Variants in OR5AC2 observed in about 807,000 individuals in gnomAD.
OR5AC2 encodes the protein olfactory receptor family 5 subfamily AC member 2, also known as olfactory receptor 5AC2.
For missense variants in OR5AC2, 448 were observed against 375.3 expected (o/e 1.19, Z -1.60); for synonymous variants, 172 against 136.3 (o/e 1.26, Z -1.82).
chr3:98,087,334 C>G lies in OR5AC2; in HGVS notation c.162C>G (p.Asp54Glu), dbSNP rs765853079. The change falls in exon 1 of 1, where the codon GAC becomes GAG. Residue 54 changes from aspartate to glutamate, a missense_variant. Transcript: ENST00000358642. ...GACTGATAGTTCTAATTTGGAACGA[C>G]CCCCATCTTCATATGCCCATGTACT... ...NLGLIVLIWN[D>E]PHLHMPMYLF... The G allele has an allele frequency of 1.2e-6, 2 of 1,614,012 alleles. No homozygotes were observed. Among genetic ancestry groups the G allele is most frequent in the Admixed American group, 1.7e-5 (1 of 60,000 alleles).
Position 98,087,391 on chromosome 3 carries a change from T to C in OR5AC2, c.219T>C (p.Ala73=), listed in dbSNP as rs1469852351. 5 of 1,614,058 alleles carry C rather than the reference T, an allele frequency of 3.1e-6. No individual in the cohort carries two copies. The highest frequency in any genetic ancestry group is 4.2e-6 in the Non-Finnish European group (5 of 1,180,012). Residue 73 remains alanine (A), a synonymous_variant, in exon 1 of 1, where the codon GCT becomes GCC. Transcript: ENST00000358642. The part of the protein sequence containing the change: ...LFLGGLAFSD[A]CTSTSITPRM... ...TTGGTGGTTTAGCCTTTTCAGATGC[T>C]TGTACTTCAACCTCTATAACCCCTA...
chr3:98,087,471 T>C lies in OR5AC2; in HGVS notation c.299T>C (p.Ile100Thr). The C allele has an allele frequency of 6.2e-7, 1 of 1,614,180 alleles. No individual in the cohort carries two copies. Among genetic ancestry groups the C allele is most frequent in the Non-Finnish European group, 8.5e-7 (1 of 1,180,018 alleles). Residue 100 changes from isoleucine (I) to threonine (T), a missense_variant, in exon 1 of 1, where the codon ATC becomes ACC. Ile to Thr is a moderately conservative substitution (Grantham distance 89). Coordinates refer to ENST00000358642, the MANE Select transcript of OR5AC2 (RefSeq NM_054106.1). ...KTAMISLAEC[I>T]TQFYFFASSA... is the part of the protein sequence containing the mutation. ...GCAATGATATCCCTAGCTGAGTGCA[T>C]CACCCAGTTTTACTTTTTTGCTTCC...
In OR5AC2 at chr3:98,088,068, T is replaced by A; in HGVS notation, c.896T>A (p.Val299Asp). Residue 299 changes from valine to aspartate, a missense_variant, in exon 1 of 1, where the codon GTC becomes GAC. Val to Asp is a radical substitution (Grantham distance 152, BLOSUM62 -3). Coordinates refer to ENST00000358642, the MANE Select transcript of OR5AC2 (RefSeq NM_054106.1). ...PFIYSLRNKK[V>D]MHALRRVIRK is the part of the protein sequence containing the mutation. ...ATTTACAGCTTGAGAAATAAAAAAG[T>A]CATGCATGCATTGAGAAGAGTTATA... 1 of 1,609,878 alleles carries A rather than the reference T, an allele frequency of 6.2e-7. No individual in the cohort carries two copies. Among genetic ancestry groups the A allele is most frequent in the African/African-American group, 1.3e-5 (1 of 74,924 alleles).
In OR5AC2 at chr3:98,087,817, T is replaced by C; in HGVS notation, c.645T>C (p.Thr215=). 6.2e-7 allele frequency: 1 copy of C among 1,608,674 alleles called. No individual in the cohort carries two copies. ...GAFIQIPTLM[T]IIISYTRVLF... ...TTATACAAATACCCACTTTAATGACTATCATAATCTCTTATACTCGTGTGC... is the reference window on the plus strand; with the variant it reads ...TTATACAAATACCCACTTTAATGACCATCATAATCTCTTATACTCGTGTGC... The change falls in exon 1 of 1, where the codon ACT becomes ACC. Residue 215 remains threonine, a synonymous_variant. Coordinates refer to ENST00000358642, the MANE Select transcript of OR5AC2 (RefSeq NM_054106.1).
In OR5AC2 at chr3:98,087,328, G is replaced by T; in HGVS notation, c.156G>T (p.Trp52Cys). ...ACCTTGGACTGATAGTTCTAATTTG[G>T]AACGACCCCCATCTTCATATGCCCA... Reference protein sequence around the residue: ...VGNLGLIVLIWNDPHLHMPMY... With the variant: ...VGNLGLIVLICNDPHLHMPMY... The change falls in exon 1 of 1, where the codon TGG becomes TGT. Residue 52 changes from tryptophan to cysteine, a missense_variant. By Grantham distance (215) the Trp-to-Cys change is radical. Coordinates refer to ENST00000358642, the MANE Select transcript of OR5AC2 (RefSeq NM_054106.1). 6.2e-7 allele frequency: 1 copy of T among 1,614,100 alleles called. No individual in the cohort carries two copies. Among genetic ancestry groups the T allele is most frequent in the South Asian group, 1.1e-5 (1 of 91,066 alleles).
Position 98,087,985 on chromosome 3 carries a change from C to A in OR5AC2, c.813C>A (p.Asp271Glu), listed in dbSNP as rs1707785325. ...YVRPASGLAEDQDKVYSLFYT... is the reference protein window; with the variant it reads ...YVRPASGLAEEQDKVYSLFYT... ...GTCCTGCATCTGGCTTAGCTGAAGA[C>A]CAAGACAAAGTGTATTCTCTGTTTT... Residue 271 changes from aspartate to glutamate, a missense_variant, in exon 1 of 1, where the codon GAC (aspartate) becomes GAA (glutamate). Transcript: ENST00000358642. 1 of 1,613,954 alleles carries A rather than the reference C, an allele frequency of 6.2e-7. No individual in the cohort carries two copies. The highest frequency in any genetic ancestry group is 1.1e-5 in the South Asian group (1 of 91,072).
chr3:98,088,076 G>A lies in OR5AC2; in HGVS notation c.904G>A (p.Ala302Thr). ...YSLRNKKVMH[A>T]LRRVIRK ...CTTGAGAAATAAAAAAGTCATGCAT[G>A]CATTGAGAAGAGTTATAAGGAAGTA... Residue 302 changes from alanine to threonine, a missense_variant, in exon 1 of 1, where the codon GCA becomes ACA. Ala to Thr is a moderately conservative substitution (Grantham distance 58). Coordinates refer to ENST00000358642, the MANE Select transcript of OR5AC2 (RefSeq NM_054106.1). 6.2e-7 allele frequency: 1 copy of A among 1,605,676 alleles called. No homozygotes were observed. The highest frequency in any genetic ancestry group is 8.5e-7 in the Non-Finnish European group (1 of 1,174,216).
chr3:98,087,365 C>T lies in OR5AC2; in HGVS notation c.193C>T (p.Leu65Phe), dbSNP rs965152981. 1.9e-6 allele frequency: 3 copies of T among 1,614,002 alleles called. No homozygotes were observed. The highest frequency in any genetic ancestry group is 1.6e-4 in the Middle Eastern group (1 of 6,084). The change falls in exon 1 of 1, where the codon CTT (leucine) becomes TTT (phenylalanine). Residue 65 changes from leucine (L) to phenylalanine (F), a missense_variant. By Grantham distance (22) the Leu-to-Phe change is conservative. Coordinates refer to ENST00000358642, the MANE Select transcript of OR5AC2 (RefSeq NM_054106.1). The stretch of plus-strand genomic sequence containing the variant: ...TCTTCATATGCCCATGTACTTATTC[C>T]TTGGTGGTTTAGCCTTTTCAGATGC... ...PHLHMPMYLF[L>F]GGLAFSDACT...
chr3:98,087,704 T>G lies in OR5AC2; in HGVS notation c.532T>G (p.Tyr178Asp). Residue 178 changes from tyrosine to aspartate, a missense_variant, in exon 1 of 1, where the codon TAT (tyrosine) becomes GAT (aspartate). Physicochemically the swap from Tyr to Asp is radical, Grantham distance 160. Transcript: ENST00000358642. ...TTTCTGCAGGTTTAACATAATACAT[T>G]ATTTCTACTGTGAAATTTTACAACT... The part of the protein sequence containing the change: ...LTFCRFNIIH[Y>D]FYCEILQLFK... The G allele has an allele frequency of 6.2e-7, 1 of 1,612,764 alleles. No individual in the cohort carries two copies. Among genetic ancestry groups the G allele is most frequent in the South Asian group, 1.1e-5 (1 of 91,068 alleles).
In OR5AC2 at chr3:98,087,987, A is replaced by G. The variant is rs750933762; in HGVS notation, c.815A>G (p.Gln272Arg). Residue 272 changes from glutamine to arginine, a missense_variant, in exon 1 of 1, where the codon CAA (glutamine) becomes CGA (arginine). Physicochemically the swap from Gln to Arg is conservative, Grantham distance 43 (BLOSUM62 1). Coordinates refer to ENST00000358642, the MANE Select transcript of OR5AC2 (RefSeq NM_054106.1). ...CCTGCATCTGGCTTAGCTGAAGACC[A>G]AGACAAAGTGTATTCTCTGTTTTAC... ...VRPASGLAED[Q>R]DKVYSLFYTI... The G allele has an allele frequency of 1.9e-6, 3 of 1,614,142 alleles. No homozygotes were observed. Among genetic ancestry groups the G allele is most frequent in the Non-Finnish European group, 2.5e-6 (3 of 1,179,962 alleles).
chr3:98,087,674 C>T lies in OR5AC2; in HGVS notation c.502C>T (p.Leu168=), dbSNP rs1255196167. The part of the protein sequence containing the change: ...PLVHVSLLLR[L]TFCRFNIIHY... ...GGTTCATGTGAGTTTACTATTGCGA[C>T]TAACTTTCTGCAGGTTTAACATAAT... Residue 168 remains leucine, a synonymous_variant, in exon 1 of 1, where the codon CTA becomes TTA. Transcript: ENST00000358642. 14 of 1,612,976 alleles carry T rather than the reference C, an allele frequency of 8.7e-6. No homozygotes were observed. The highest frequency in any genetic ancestry group is 8.5e-6 in the Non-Finnish European group (10 of 1,179,968).
chr3:98,087,969 C>G lies in OR5AC2; in HGVS notation c.797C>G (p.Ser266Cys). ...TLIFMYVRPA[S>C]GLAEDQDKVY... ...ATCTTCATGTATGTGCGTCCTGCAT[C>G]TGGCTTAGCTGAAGACCAAGACAAA... Residue 266 changes from serine to cysteine, a missense_variant, in exon 1 of 1, where the codon TCT (serine) becomes TGT (cysteine). Coordinates refer to ENST00000358642, the MANE Select transcript of OR5AC2 (RefSeq NM_054106.1). The G allele has an allele frequency of 6.2e-7, 1 of 1,614,126 alleles. No homozygotes were observed. Among genetic ancestry groups the G allele is most frequent in the Non-Finnish European group, 8.5e-7 (1 of 1,180,018 alleles).
chr3:98,087,949 C>T lies in OR5AC2; in HGVS notation c.777C>T (p.Phe259=), dbSNP rs776600591. ...SVSLYYGTLI[F]MYVRPASGLA... ...CATTGTACTACGGAACTCTGATCTT[C>T]ATGTATGTGCGTCCTGCATCTGGCT... Residue 259 remains phenylalanine (F), a synonymous_variant, in exon 1 of 1, where the codon TTC becomes TTT. Transcript: ENST00000358642. The T allele has an allele frequency of 5.0e-6, 8 of 1,614,162 alleles. No homozygotes were observed. Among genetic ancestry groups the T allele is most frequent in the African/African-American group, 1.3e-5 (1 of 75,042 alleles).
Position 98,088,087 on chromosome 3 carries a change from A to G in OR5AC2, c.915A>G (p.Arg305=). ...RNKKVMHALR[R]VIRK Reference sequence around the variant, plus strand: ...AAAAAGTCATGCATGCATTGAGAAGAGTTATAAGGAAGTAAACAGTTCCAA... The same window carrying G: ...AAAAAGTCATGCATGCATTGAGAAGGGTTATAAGGAAGTAAACAGTTCCAA... The change falls in exon 1 of 1, where the codon AGA becomes AGG. Residue 305 remains arginine (R), a synonymous_variant. Coordinates refer to ENST00000358642, the MANE Select transcript of OR5AC2 (RefSeq NM_054106.1). 1 of 1,594,512 alleles carries G rather than the reference A, an allele frequency of 6.3e-7. No individual in the cohort carries two copies. The highest frequency in any genetic ancestry group is 8.6e-7 in the Non-Finnish European group (1 of 1,167,562).
At position 98,087,924 on chromosome 3, in the gene OR5AC2, C is replaced by A. The variant is rs1197010088; in HGVS notation, c.752C>A (p.Ser251Ter). The A allele has an allele frequency of 6.2e-7, 1 of 1,613,970 alleles. No individual in the cohort carries two copies. Among genetic ancestry groups the A allele is most frequent in the Non-Finnish European group, 8.5e-7 (1 of 1,179,978 alleles). The change falls in exon 1 of 1, where the codon TCA (serine) becomes TAA (stop). Residue 251 changes from serine to a stop codon, truncating the protein, a stop_gained. Transcript: ENST00000358642. LOFTEE classifies it low-confidence loss of function (END_TRUNC). ...STCGAHLLSV[S>*]LYYGTLIFMY... ...TGCGGCGCCCATCTGCTTTCTGTCT[C>A]ATTGTACTACGGAACTCTGATCTTC... is the stretch of plus-strand genomic sequence containing the variant.
chr3:98,087,221 A>C lies in OR5AC2; in HGVS notation c.49A>C (p.Thr17Pro). The C allele has an allele frequency of 6.2e-7, 1 of 1,613,788 alleles. No homozygotes were observed. The highest frequency in any genetic ancestry group is 1.3e-5 in the African/African-American group (1 of 75,028). ...NKTLVTEFVL[T>P]GLTDRPWLHV... The stretch of plus-strand genomic sequence containing the variant: ...GACTCTTGTGACAGAGTTTGTTCTC[A>C]CAGGACTTACAGATCGACCATGGCT... Residue 17 changes from threonine (T) to proline (P), a missense_variant, in exon 1 of 1, where the codon ACA becomes CCA. Transcript: ENST00000358642.
At position 98,087,332 on chromosome 3, in the gene OR5AC2, G is replaced by T; in HGVS notation, c.160G>T (p.Asp54Tyr). The T allele has an allele frequency of 6.2e-7, 1 of 1,614,136 alleles. No individual in the cohort carries two copies. Among genetic ancestry groups the T allele is most frequent in the Non-Finnish European group, 8.5e-7 (1 of 1,180,010 alleles). Reference sequence around the variant, plus strand: ...TGGACTGATAGTTCTAATTTGGAACGACCCCCATCTTCATATGCCCATGTA... The same window carrying T: ...TGGACTGATAGTTCTAATTTGGAACTACCCCCATCTTCATATGCCCATGTA... ...NLGLIVLIWNDPHLHMPMYLF... is the reference protein window; with the variant it reads ...NLGLIVLIWNYPHLHMPMYLF... Residue 54 changes from aspartate to tyrosine, a missense_variant, in exon 1 of 1, where the codon GAC (aspartate) becomes TAC (tyrosine). Transcript: ENST00000358642.
In OR5AC2 at chr3:98,087,417, G is replaced by C. The variant is rs772974279; in HGVS notation, c.245G>C (p.Arg82Thr). The C allele has an allele frequency of 1.9e-6, 3 of 1,613,942 alleles. No homozygotes were observed. The African/African-American group carries it at 4.0e-5, about 22-fold the overall frequency. Residue 82 changes from arginine to threonine, a missense_variant, in exon 1 of 1, where the codon AGG becomes ACG. Physicochemically the swap from Arg to Thr is moderately conservative, Grantham distance 71. Transcript: ENST00000358642. ...TGTACTTCAACCTCTATAACCCCTA[G>C]GATGCTGGTCAATTTCTTAGACAAG... ...DACTSTSITP[R>T]MLVNFLDKTA...
Position 98,087,722 on chromosome 3 carries a change from T to C in OR5AC2, c.550T>C (p.Leu184=), listed in dbSNP as rs776971042. The C allele has an allele frequency of 1.2e-6, 2 of 1,612,726 alleles. No homozygotes were observed. The highest frequency in any genetic ancestry group is 3.3e-5 in the Admixed American group (2 of 60,018). The change falls in exon 1 of 1, where the codon TTA becomes CTA. Residue 184 remains leucine (L), a synonymous_variant. Transcript: ENST00000358642. The part of the protein sequence containing the change: ...NIIHYFYCEI[L]QLFKISCNGP... ...AATACATTATTTCTACTGTGAAATT[T>C]TACAACTGTTCAAAATTTCATGCAA...
Sources: allele counts gnomAD v4.1 joint callset, GRCh38; gene constraint gnomAD v4.1.1; transcripts MANE v1.5; gene names NCBI Gene and HGNC (gene_info 2026-07-23, HGNC 2026-07-21).